The following COL13A1 variants were observed in gnomAD, a reference collection of about 807,000 sequenced individuals.
COL13A1 encodes collagen type XIII alpha 1 chain, also known as collagen alpha-1(XIII) chain.
A neutral mutation model predicts 130.9 loss-of-function variants in COL13A1; 89 were observed. The observed-to-expected ratio is 0.68, with a 90% CI of 0.57 to 0.81. The LOEUF (loss-of-function observed/expected upper bound fraction) is 0.81, where lower values mean the gene tolerates loss of function less well. Among genes scored for constraint, COL13A1 ranks in the 30% least tolerant of loss-of-function variants. The pLI is 0.00. For synonymous variants in COL13A1, 402 were observed against 341.6 expected (o/e 1.18, Z -1.95); for missense variants, 879 against 934.6 (o/e 0.94, Z 0.78).
chr10:69,858,115 C>A (rs1438418360), intron 2 of COL13A1, among the ~76,000 whole-genome samples: 343 of 80,194 alleles, frequency 4.3e-3, no homozygotes, highest in South Asian at 9.4e-3. Context: ...GACTCCGTCT[C>A]AAAAAAAAAA....
chr10:69,871,264 G>T (rs934304076), intron 3 of COL13A1, among the ~76,000 whole-genome samples: 1 of 152,140 alleles, frequency 6.6e-6, no homozygotes, highest in Admixed American at 6.5e-5. Context: ...GTGTTGCCAG[G>T]TTCCTGGTAT....
At chr10:69,809,500 A>C (rs1324383002) in intron 1 of COL13A1, among the ~76,000 whole-genome samples, 1 of 152,244 alleles carries the variant, frequency 6.6e-6, no homozygotes, top group African/African-American at 2.4e-5. Flanking sequence ...AGAAGAGAGA[A>C]TAGAGGCACA....
At chr10:69,947,810 T>C (rs988678088) in intron 38 of COL13A1, among the ~76,000 whole-genome samples, 3 of 152,236 alleles carry the variant, frequency 2.0e-5, no homozygotes, top group Non-Finnish European at 4.4e-5. Context: ...TTAAAAAATA[T>C]TACAGCCACT....
In COL13A1 at chr10:69,808,478, C is replaced by T. The variant is rs1842148171; in HGVS notation, c.294+5761C>T. ...TTATCCCAAACGGTAGCAGATACTACTCATCGCTCAATACACTCTTTCCCA... is the reference window on the plus strand; with the variant it reads ...TTATCCCAAACGGTAGCAGATACTATTCATCGCTCAATACACTCTTTCCCA... On this transcript the variant is annotated intron_variant, in intron 1 of 40. Transcript: ENST00000645393. Among the ~76,000 whole-genome samples, 2 of 152,088 alleles carry T rather than the reference C, an allele frequency of 1.3e-5. 1 individual carries two copies. The highest frequency in any genetic ancestry group is 2.9e-5 in the Non-Finnish European group (2 of 68,010).
intron 33 of COL13A1, among the ~76,000 whole-genome samples, chr10:69,937,305 A>G (rs1281145345): frequency 6.6e-6 from 1 of 152,202 alleles, no homozygotes; most frequent in African/African-American, 2.4e-5. Flanking sequence ...CTCTGGAGGT[A>G]GCATCTCAGG....
Position 69,887,300 on chromosome 10 carries a change from C to T in COL13A1, c.514-156C>T, listed in dbSNP as rs117142832. On this transcript the variant is annotated intron_variant, in intron 7 of 40. Transcript: ENST00000645393. ...CTATGATGTTCCATTTCATCTTTCT[C>T]CATCTTCCCTCCCAACCCACTAACC... The T allele has an allele frequency of 0.066, 47,245 of 711,834 alleles. 1,804 individuals carry two copies. The highest frequency in any genetic ancestry group is 0.078 in the Non-Finnish European group (33,391 of 426,186). The allele number at this position is 711,834 out of a possible 1,614,324, so 44.1% of individuals were successfully genotyped here.
intron 17 of COL13A1, among the ~76,000 whole-genome samples, chr10:69,909,250 G>A (rs1216162731): frequency 6.6e-6 from 1 of 152,204 alleles, no homozygotes; most frequent in Non-Finnish European, 1.5e-5. Flanking sequence ...ATGAGGCACT[G>A]AGGAGAAGAC....
At chr10:69,812,991 C>A (rs1345208110) in intron 1 of COL13A1, among the ~76,000 whole-genome samples, 1 of 152,232 alleles carries the variant, frequency 6.6e-6, no homozygotes, top group African/African-American at 2.4e-5. Context: ...ACAATGGCTG[C>A]CCCACATTGA....
At chr10:69,920,114 G>T (rs904918034) in intron 21 of COL13A1, among the ~76,000 whole-genome samples, 2 of 152,136 alleles carry the variant, frequency 1.3e-5, no homozygotes, top group Non-Finnish European at 2.9e-5. Flanking sequence ...CAGGGCCTCT[G>T]CCTGGCCCTC....
intron 2 of COL13A1, among the ~76,000 whole-genome samples, chr10:69,831,000 A>G (rs532715920): frequency 2.0e-5 from 3 of 152,348 alleles, no homozygotes; most frequent in East Asian, 3.9e-4. Context: ...TGTAGCATGT[A>G]TCAGTACTTC....
intron 1 of COL13A1, among the ~76,000 whole-genome samples, chr10:69,810,376 G>GAGAGAGAGAGAGACACAGAGACAGAGAC (rs1230051691): frequency 1.5e-5 from 2 of 133,928 alleles, no homozygotes; most frequent in East Asian, 4.6e-4. Context: ...GAGAGAGAGA[G>GAGAGAGAGAGAGACACAGAGACAGAGAC]AGAGACAGAG....
intron 17 of COL13A1, among the ~76,000 whole-genome samples, chr10:69,909,245 G>A (rs1258280098): frequency 6.6e-6 from 1 of 152,164 alleles, no homozygotes; most frequent in African/African-American, 2.4e-5. Flanking sequence ...GTCTCATGAG[G>A]CACTGAGGAG....
intron 4 of COL13A1, among the ~76,000 whole-genome samples, chr10:69,874,561 G>A (rs1038078660): frequency 5.3e-5 from 8 of 152,180 alleles, no homozygotes; most frequent in South Asian, 2.1e-4. Flanking sequence ...CACATGGCTC[G>A]TGGTCCTTCC....
intron 22 of COL13A1, 73 bp from the exon 23 acceptor site, chr10:69,922,635 C>T: frequency 9.0e-7 from 1 of 1,111,800 alleles, no homozygotes; most frequent in Non-Finnish European, 1.3e-6. Flanking sequence ...GCCCACACCC[C>T]ATAGTGTCCC....
rs781156483 is a variant in COL13A1, at chr10:69,937,725, T to G, written c.1878+10T>G. ...TCCCCTGGGACTACCCGTAAGTACC[T>G]TGGACCCAGCAAGACTGGTGGGTTT... On this transcript the variant is annotated intron_variant, in intron 34 of 40. Transcript: ENST00000645393. The G allele has an allele frequency of 5.1e-6, 7 of 1,367,052 alleles. No individual in the cohort carries two copies. In the Admixed American group the frequency reaches 1.2e-4, roughly 23 times the overall value. The allele number at this position is 1,367,052 out of a possible 1,614,324, so 84.7% of individuals were successfully genotyped here.
At chr10:69,814,916 A>G (rs975533337) in intron 1 of COL13A1, among the ~76,000 whole-genome samples, 4 of 152,268 alleles carry the variant, frequency 2.6e-5, no homozygotes, top group Non-Finnish European at 5.9e-5. Flanking sequence ...AGTGCTTAGC[A>G]CAGTGGCTGA....
intron 17 of COL13A1, among the ~76,000 whole-genome samples, chr10:69,911,471 C>G (rs1486839068): frequency 6.6e-6 from 1 of 152,230 alleles, no homozygotes; most frequent in Non-Finnish European, 1.5e-5. Context: ...TCCCCGAGGT[C>G]CACAGCTAGG....
chr10:69,856,095 G>A (rs1261951735), intron 2 of COL13A1, among the ~76,000 whole-genome samples: 2 of 152,224 alleles, frequency 1.3e-5, no homozygotes, highest in African/African-American at 2.4e-5. Flanking sequence ...AGCAGCTTGA[G>A]GACCAAATGT....
chr10:69,936,053 A>C, intron 32 of COL13A1, among the ~76,000 whole-genome samples: 1 of 118,610 alleles, frequency 8.4e-6, no homozygotes, highest in Non-Finnish European at 1.8e-5. Context: ...GGAGGGAGGG[A>C]GGGAGGGAGT....
Sources: gnomAD v4.1 joint callset for allele counts (sites outside exome capture counted in the v4.1 genomes callset) on GRCh38, gnomAD v4.1.1 for gene constraint, MANE v1.5 for transcripts, NCBI Gene and HGNC (gene_info 2026-07-23, HGNC 2026-07-21) for gene names.